SOX5: variants seen among roughly 807,000 people sequenced by gnomAD.
The protein encoded by SOX5 is SRY-box transcription factor 5, also known as transcription factor SOX-5.
In SOX5, 9 loss-of-function variants were observed where a neutral mutation model predicts 92.0. The observed-to-expected ratio is 0.10, with a 90% CI of 0.06 to 0.17. The LOEUF (loss-of-function observed/expected upper bound fraction) is 0.17, where lower values mean the gene tolerates loss of function less well. Among genes scored for constraint, SOX5 ranks in the 10% least tolerant of loss-of-function variants. The pLI is 1.00. For synonymous variants in SOX5, 344 were observed against 336.3 expected, an observed-to-expected ratio of 1.02 and a Z score of -0.25; for missense variants, 642 against 944.5, an observed-to-expected ratio of 0.68 and a Z score of 4.20.
In SOX5 at chr12:24,039,639, A is replaced by G. The variant is rs548546553; in HGVS notation, c.-1-143615T>C. Among the ~76,000 whole-genome samples, 6 of 152,334 alleles carry G rather than the reference A, an allele frequency of 3.9e-5. No homozygotes were observed. In the East Asian group the frequency reaches 1.2e-3, roughly 29 times the overall value. ...AAAATGGTAAAATATTTTTCTTAGT[A>G]TAACAATGGTAGAATAATTCTCAGC... On this transcript the variant is annotated intron_variant, in intron 4 of 4. Coordinates refer to the SOX5 transcript ENST00000446891.
At chr12:23,936,786 A>T (rs925790024) in intron 1 of SOX5, among the ~76,000 whole-genome samples, 1 of 151,114 alleles carries the variant, frequency 6.6e-6, no homozygotes, top group Admixed American at 6.6e-5. Flanking sequence ...ATTTGTGCCA[A>T]TATATCCTAC....
intron 4 of SOX5, among the ~76,000 whole-genome samples, chr12:24,127,409 A>AATG (rs1949213412): frequency 8.7e-6 from 1 of 114,642 alleles, no homozygotes; most frequent in Non-Finnish European, 1.9e-5. Context: ...TAATAATGAT[A>AATG]ATAATAATAA....
chr12:24,330,012 G>C (rs1467460680), intron 2 of SOX5, among the ~76,000 whole-genome samples: 2 of 152,112 alleles, frequency 1.3e-5, no homozygotes, highest in Non-Finnish European at 2.9e-5. Context: ...AACAGAGTGA[G>C]ACTCTCTCTC....
intron 4 of SOX5, among the ~76,000 whole-genome samples, chr12:23,992,979 T>C (rs529646731): frequency 6.6e-6 from 1 of 152,328 alleles, no homozygotes; most frequent in South Asian, 2.1e-4. Flanking sequence ...TGACTTCTCC[T>C]TCTGGTCTTC....
chr12:23,888,619 T>C (rs2097096611), intron 2 of SOX5, among the ~76,000 whole-genome samples: 1 of 152,184 alleles, frequency 6.6e-6, no homozygotes, highest in Admixed American at 6.5e-5. Context: ...ACTTATCCAG[T>C]GGCTTTGATG....
intron 3 of SOX5, among the ~76,000 whole-genome samples, chr12:24,231,348 T>A (rs1963359821): frequency 6.6e-6 from 1 of 152,242 alleles, no homozygotes; most frequent in African/African-American, 2.4e-5. Context: ...GACTGTTTTG[T>A]GACTGATTTT....
intron 1 of SOX5, among the ~76,000 whole-genome samples, chr12:23,920,927 T>A (rs906709920): frequency 1.3e-5 from 2 of 152,200 alleles, no homozygotes; most frequent in African/African-American, 2.4e-5. Context: ...AATGGATAAC[T>A]AGATAAAGCT....
At chr12:24,383,969 G>A (rs1290814015) in intron 1 of SOX5, among the ~76,000 whole-genome samples, 5 of 152,154 alleles carry the variant, frequency 3.3e-5, no homozygotes, top group Non-Finnish European at 5.9e-5. Flanking sequence ...TCTCATGATA[G>A]TGAGTTCTCA....
intron 1 of SOX5, among the ~76,000 whole-genome samples, chr12:24,413,805 G>A (rs534789196): frequency 4.1e-4 from 63 of 152,246 alleles, no homozygotes; most frequent in South Asian, 8.3e-4. Context: ...TTCATCGTGC[G>A]TCAGTGATTT....
chr12:23,582,879 A>C (rs1950232765), intron 9 of SOX5, among the ~76,000 whole-genome samples: 1 of 152,042 alleles, frequency 6.6e-6, no homozygotes, highest in Admixed American at 6.6e-5. Context: ...CTGGCCCTTA[A>C]TTAATTTAAA....
intron 1 of SOX5, among the ~76,000 whole-genome samples, chr12:24,461,935 G>A (rs975041742): frequency 6.6e-6 from 1 of 152,066 alleles, no homozygotes; most frequent in Non-Finnish European, 1.5e-5. Context: ...TAGCACTTTG[G>A]GTTACATCAT....
Position 23,726,118 on chromosome 12 carries a change from CGA to C in SOX5, c.810+8564_810+8565del, listed in dbSNP as rs60575337. Among the ~76,000 whole-genome samples, 1,124 of 123,098 alleles carry C rather than the reference CGA, an allele frequency of 9.1e-3. 19 individuals carry two copies. The highest frequency in any genetic ancestry group is 0.013 in the Admixed American group (164 of 12,224). The allele number at this position is 123,098 out of a possible 152,430, so 80.8% of individuals were successfully genotyped here. A position where few individuals can be genotyped will look rare whatever the true frequency, so the allele number is the denominator to read the frequency against. ...TAATGGTGTTAAATACATACATCCC[CGA>C]GAGAGAGAGAGAGAGAGAGAGAGAG... On this transcript the variant is annotated intron_variant, in intron 6 of 14. Coordinates refer to ENST00000451604, the MANE Select transcript of SOX5 (RefSeq NM_006940.6).
At chr12:24,009,640 C>T (rs1198395429) in intron 4 of SOX5, among the ~76,000 whole-genome samples, 2 of 152,082 alleles carry the variant, frequency 1.3e-5, no homozygotes, top group Non-Finnish European at 2.9e-5. Flanking sequence ...CAGAGTATTT[C>T]TAATGCCTTT....
intron 8 of SOX5, among the ~76,000 whole-genome samples, chr12:23,626,671 C>CCT (rs2077839365): frequency 8.6e-6 from 1 of 116,512 alleles, no homozygotes. Context: ...TTCATTAGTG[C>CCT]TTTTTTTTTT....
At chr12:23,719,286 A>C (rs1857128863) in intron 6 of SOX5, among the ~76,000 whole-genome samples, 1 of 152,202 alleles carries the variant, frequency 6.6e-6, no homozygotes, top group African/African-American at 2.4e-5. Flanking sequence ...TTTTGTTTAC[A>C]TGTATTAACA....
At chr12:24,316,621 A>G (rs953820097) in intron 2 of SOX5, among the ~76,000 whole-genome samples, 6 of 152,228 alleles carry the variant, frequency 3.9e-5, no homozygotes, top group Non-Finnish European at 8.8e-5. Context: ...GAATTTCACA[A>G]GCTTCACCAT....
intron 6 of SOX5, among the ~76,000 whole-genome samples, chr12:23,694,792 T>C (rs770597283): frequency 5.3e-5 from 8 of 152,144 alleles, no homozygotes; most frequent in Non-Finnish European, 8.8e-5. Flanking sequence ...TGATATTTTT[T>C]CTCTGGCTTA....
At chr12:24,292,558 C>G (rs1190375496) in intron 2 of SOX5, among the ~76,000 whole-genome samples, 1 of 152,062 alleles carries the variant, frequency 6.6e-6, no homozygotes, top group Non-Finnish European at 1.5e-5. Flanking sequence ...TTTGGGATAC[C>G]CTATTTAAAG....
chr12:23,992,084 T>C (rs1404639938), intron 4 of SOX5, among the ~76,000 whole-genome samples: 4 of 152,068 alleles, frequency 2.6e-5, no homozygotes, highest in Non-Finnish European at 5.9e-5. Context: ...CAGATCAGTA[T>C]TGGTTGGGGC....
Sources: allele counts gnomAD v4.1 joint callset (sites outside exome capture counted in the v4.1 genomes callset), GRCh38; gene constraint gnomAD v4.1.1; transcripts MANE v1.5; gene names NCBI Gene and HGNC (gene_info 2026-07-23, HGNC 2026-07-21).